MIER1: variants seen among roughly 807,000 people sequenced by gnomAD.
MIER1 encodes the protein MIER1 transcriptional regulator.
In MIER1, 40 loss-of-function variants were observed where a neutral mutation model predicts 75.7. The observed-to-expected ratio is 0.53, with a 90% CI of 0.41 to 0.69. The LOEUF (loss-of-function observed/expected upper bound fraction) is 0.69, where lower values mean the gene tolerates loss of function less well. Ranked by LOEUF, MIER1 falls within the 30% of genes least tolerant of loss-of-function variation. The pLI is 0.00. For missense variants in MIER1, 574 were observed against 680.2 expected, an observed-to-expected ratio of 0.84 and a Z score of 1.74; for synonymous variants, 213 against 223.4, an observed-to-expected ratio of 0.95 and a Z score of 0.42.
rs979695874 is a variant in MIER1 at position 66,986,496 on chromosome 1, A to G, written c.*1596A>G. The stretch of plus-strand genomic sequence containing the variant: ...TAAAGCTTCTGTGGTCTTGTTTTTA[A>G]TGGCTCAACTGTCTGATGTAATTGA... On this transcript the variant is annotated 3_prime_UTR_variant, in exon 14 of 14. Coordinates refer to ENST00000401041, the MANE Select transcript of MIER1 (RefSeq NM_001077700.3). 4.6e-6 allele frequency: 7 copies of G among 1,523,166 alleles called. No homozygotes were observed. The highest frequency in any genetic ancestry group is 6.4e-6 in the Non-Finnish European group (7 of 1,097,888). 94.4% of individuals were successfully genotyped at this position (1,523,166 alleles called of 1,614,324 possible).
At chr1:66,975,989 T>TG (rs201428899) in intron 11 of MIER1, among the ~76,000 whole-genome samples, 31,077 of 151,840 alleles carry the variant, frequency 0.2, 3,578 homozygotes, top group Non-Finnish European at 0.25. Context: ...AGGCCTTTTT[T>TG]TTGTGTGTGT....
rs9436335 is a variant in MIER1, at chr1:66,969,296, A to G, written c.773-1512A>G. On this transcript the variant is annotated intron_variant, in intron 8 of 13. Transcript: ENST00000401041. ...CGCGGTGGCTCACACCTGTAATCCC[A>G]GCACTTTGGGAGGCCGAGGCGGGTG... Among the ~76,000 whole-genome samples, 671 of 152,170 alleles carry G rather than the reference A, an allele frequency of 4.4e-3. 5 individuals carry two copies. Among genetic ancestry groups the G allele is most frequent in the African/African-American group, 0.015 (641 of 41,526 alleles).
In MIER1 at chr1:66,936,725, G is replaced by T. The variant is rs767755228; in HGVS notation, c.169-3303G>T. Among the ~76,000 whole-genome samples the T allele has an allele frequency of 2.0e-5, 3 of 152,108 alleles. No individual in the cohort carries two copies. In the East Asian group the frequency reaches 5.8e-4, roughly 30 times the overall value. ...AATCATTTCAAAAAAGAGAGGCCGG[G>T]TGCGGTGGCTCACATCTGTAATCCC... On this transcript the variant is annotated intron_variant, in intron 2 of 13. Transcript: ENST00000401041.
intron 3 of MIER1, among the ~76,000 whole-genome samples, chr1:66,944,515 A>G (rs573787746): frequency 4.6e-5 from 7 of 151,612 alleles, no homozygotes; most frequent in South Asian, 2.1e-4. Flanking sequence ...GCATTCTACT[A>G]TTACAAAGCT....
rs1429578597 is a variant in MIER1, at chr1:66,985,197, CTGAA to C, written c.*302_*305del. Reference sequence around the variant, plus strand: ...TTCAGATTTACTAATTTTGGTAAATCTGAATGAACTAAAGATGTATCTGTACCTT... The same window carrying C: ...TTCAGATTTACTAATTTTGGTAAATCTGAACTAAAGATGTATCTGTACCTT... On this transcript the variant is annotated 3_prime_UTR_variant, in exon 14 of 14. Coordinates refer to ENST00000401041, the MANE Select transcript of MIER1 (RefSeq NM_001077700.3). 8 of 975,630 alleles carry C rather than the reference CTGAA, an allele frequency of 8.2e-6. No homozygotes were observed. The highest frequency in any genetic ancestry group is 5.7e-5 in the Admixed American group (1 of 17,582). 60.4% of individuals were successfully genotyped at this position (975,630 alleles called of 1,614,324 possible).
intron 2 of MIER1, 44 bp from the exon 3 acceptor site, chr1:66,939,984 A>G (rs373702689): frequency 5.5e-5 from 83 of 1,504,966 alleles, no homozygotes; most frequent in Admixed American, 8.4e-5. Context: ...GTGAAGATAC[A>G]TTATACAGAA....
intron 2 of MIER1, 137 bp from the exon 3 acceptor site, chr1:66,939,891 G>A: frequency 1.6e-6 from 1 of 611,150 alleles, no homozygotes; most frequent in East Asian, 2.9e-5. Context: ...GGAAAATGCA[G>A]ACATTAAAAC....
chr1:66,962,378 G>A (rs878876634), intron 7 of MIER1, among the ~76,000 whole-genome samples: 1 of 151,986 alleles, frequency 6.6e-6, no homozygotes, highest in East Asian at 1.9e-4. Context: ...AACCCTTTTT[G>A]TTATTTTTCC....
At chr1:66,932,823 T>G (rs1045130252) in intron 2 of MIER1, 10 of 152,080 alleles carry the variant, frequency 6.6e-5, no homozygotes, top group South Asian at 2.1e-4. Flanking sequence ...GAGAAAAATG[T>G]AGGTATTATG....
chr1:66,974,538 A>T (rs1313445362), intron 11 of MIER1, among the ~76,000 whole-genome samples: 3 of 152,074 alleles, frequency 2.0e-5, no homozygotes, highest in African/African-American at 4.8e-5. Context: ...ATGATAGCTT[A>T]TGTAACAAGC....
intron 2 of MIER1, chr1:66,930,214 G>A (rs1321656709): frequency 1.4e-6 from 2 of 1,384,326 alleles, no homozygotes; most frequent in South Asian, 3.3e-5. Context: ...CCGCGAGGGG[G>A]CGGAGTGGGG....
At chr1:66,948,076 T>C (rs907715123) in intron 4 of MIER1, 33 of 959,518 alleles carry the variant, frequency 3.4e-5, no homozygotes, top group Non-Finnish European at 4.0e-5. Context: ...TGTAATTGTT[T>C]GTTTAATTTA....
chr1:66,968,773 G>T (rs1213411565), intron 8 of MIER1, among the ~76,000 whole-genome samples: 3 of 152,154 alleles, frequency 2.0e-5, no homozygotes, highest in African/African-American at 7.2e-5. Context: ...CTAAATTCAT[G>T]TAAGTTATCA....
At chr1:66,925,550 G>A (rs1395051969) in intron 1 of MIER1, 7 of 985,292 alleles carry the variant, frequency 7.1e-6, no homozygotes, top group Middle Eastern at 5.2e-4. Flanking sequence ...CAGCGCCCTG[G>A]GCCAACTTGC....
chr1:66,961,811 A>T (rs924592735), intron 7 of MIER1, among the ~76,000 whole-genome samples: 1 of 152,258 alleles, frequency 6.6e-6, no homozygotes, highest in Admixed American at 6.5e-5. Context: ...GAAGACATAA[A>T]GAGAATTCCA....
intron 5 of MIER1, among the ~76,000 whole-genome samples, chr1:66,958,534 T>C (rs1390550917): frequency 6.6e-6 from 1 of 152,098 alleles, no homozygotes; most frequent in East Asian, 1.9e-4. Flanking sequence ...TTTATTTTTC[T>C]TACTTTATTT....
chr1:66,980,620 A>C (rs1665692361), intron 12 of MIER1, among the ~76,000 whole-genome samples: 1 of 152,204 alleles, frequency 6.6e-6, no homozygotes, highest in Non-Finnish European at 1.5e-5. Flanking sequence ...CAAAATTCTA[A>C]GAGATTTGTC....
In MIER1 at chr1:66,976,593, A is replaced by G; in HGVS notation, c.1102-2A>G. 1 of 1,565,178 alleles carries G rather than the reference A, an allele frequency of 6.4e-7. No individual in the cohort carries two copies. The highest frequency in any genetic ancestry group is 8.6e-7 in the Non-Finnish European group (1 of 1,158,714). On this transcript the variant is annotated splice_acceptor_variant, in intron 11 of 13. Transcript: ENST00000401041. LOFTEE classifies it high-confidence loss of function. ...TTAAAAGCAAGCATTTGTTTCTTAC[A>G]GGTCCGAACAAGGTCAGTTGGTGAA... is the stretch of plus-strand genomic sequence containing the variant.
At position 66,985,833 on chromosome 1, in the gene MIER1, TTTTTA is replaced by T. The variant is rs1454057067; in HGVS notation, c.*934_*938del. 417 of 830,350 alleles carry T rather than the reference TTTTTA, an allele frequency of 5.0e-4. No homozygotes were observed. Among genetic ancestry groups the T allele is most frequent in the South Asian group, 9.9e-4 (18 of 18,132 alleles). The allele number at this position is 830,350 out of a possible 1,614,324, so 51.4% of individuals were successfully genotyped here. On this transcript the variant is annotated 3_prime_UTR_variant, in exon 14 of 14. Coordinates refer to ENST00000401041, the MANE Select transcript of MIER1 (RefSeq NM_001077700.3). ...TATAAAATTTTTTTTTTTTTTTTTT[TTTTTA>T]AATTTCTACTTAAGGGCAAGTAATT... is the stretch of plus-strand genomic sequence containing the variant.
Sources: gnomAD v4.1 joint callset for allele counts (sites outside exome capture counted in the v4.1 genomes callset) on GRCh38, gnomAD v4.1.1 for gene constraint, MANE v1.5 for transcripts, NCBI Gene and HGNC (gene_info 2026-07-23, HGNC 2026-07-21) for gene names.